The following CNGA3 variants were observed in gnomAD, a reference collection of about 807,000 sequenced individuals.
CNGA3 encodes cyclic nucleotide-gated channel alpha-3.
In CNGA3, 42 loss-of-function variants were observed where a neutral mutation model predicts 46.6. The ratio of observed to expected loss-of-function variants is 0.90; its 90% CI spans 0.70 to 1.17. The LOEUF (loss-of-function observed/expected upper bound fraction) is 1.17. Ranked by LOEUF, CNGA3 falls within the 50% of genes most tolerant of loss-of-function variation. CNGA3 has a pLI of 0.00. For synonymous variants in CNGA3, 394 were observed against 369.4 expected, an observed-to-expected ratio of 1.07 and a Z score of -0.76; for missense variants, 893 against 890.7, an observed-to-expected ratio of 1.00 and a Z score of -0.03.
At chr2:98,385,211 T>A (rs189359026) in intron 5 of CNGA3, among the ~76,000 whole-genome samples, 1 of 152,120 alleles carries the variant, frequency 6.6e-6, no homozygotes, top group Admixed American at 6.5e-5. Flanking sequence ...GAGTCCGGCG[T>A]AAACTGCAGG....
chr2:98,378,242 C>A (rs545029671), intron 3 of CNGA3: 1 of 1,537,882 alleles, frequency 6.5e-7, no homozygotes, highest in East Asian at 2.4e-5. Context: ...CTTGCAAAAG[C>A]ATTTGTTTGC....
chr2:98,395,899 C>T lies in CNGA3; in HGVS notation c.729C>T (p.Tyr243=), dbSNP rs1219183849. 1.2e-6 allele frequency: 2 copies of T among 1,614,198 alleles called. No homozygotes were observed. The highest frequency in any genetic ancestry group is 1.7e-6 in the Non-Finnish European group (2 of 1,180,036). Residue 243 remains tyrosine (Y), a synonymous_variant, in exon 8 of 8, where the codon TAC becomes TAT. Transcript: ENST00000272602. ...ATACCAACAGGCTGTGGCAGCATTA[C>T]AAGACGACCACGCAGTTCAAGCTGG... ...VSDTNRLWQH[Y]KTTTQFKLDV...
At chr2:98,371,613 G>T (rs1331773712) in intron 2 of CNGA3, among the ~76,000 whole-genome samples, 1 of 152,182 alleles carries the variant, frequency 6.6e-6, no homozygotes, top group African/African-American at 2.4e-5. Flanking sequence ...TATGGCTTCA[G>T]AGGCATCAGA....
chr2:98,389,721 G>T lies in CNGA3; in HGVS notation c.513G>T (p.Trp171Cys), dbSNP rs762773298. 6.2e-7 allele frequency: 1 copy of T among 1,613,718 alleles called. No homozygotes were observed. Among genetic ancestry groups the T allele is most frequent in the East Asian group, 2.2e-5 (1 of 44,878 alleles). ...CGTCCAGCAACCTGTACTACCGCTGGCTGACCGCCATCGCCCTGCCTGTCT... is the reference window on the plus strand; with the variant it reads ...CGTCCAGCAACCTGTACTACCGCTGTCTGACCGCCATCGCCCTGCCTGTCT... ...VDPSSNLYYR[W>C]LTAIALPVFY... Residue 171 changes from tryptophan to cysteine, a missense_variant, in exon 6 of 8, where the codon TGG (tryptophan) becomes TGT (cysteine). Transcript: ENST00000272602.
chr2:98,358,114 A>G (rs867588), intron 1 of CNGA3, among the ~76,000 whole-genome samples: 34,102 of 152,244 alleles, frequency 0.22, 4,331 homozygotes, highest in Admixed American at 0.37. Flanking sequence ...TTGTGGTTTC[A>G]TTATCTCATT....
Position 98,395,857 on chromosome 2 carries a change from A to G in CNGA3, c.687A>G (p.Gln229=). ...CTTCTTCTTTAGGTTTTCTCGAGCA[A>G]GGCTTAATGGTCAGTGATACCAACA... ...LVRARTGFLE[Q]GLMVSDTNRL... is the part of the protein sequence containing the mutation. The change falls in exon 8 of 8, where the codon CAA becomes CAG. Residue 229 remains glutamine, a synonymous_variant. Transcript: ENST00000272602. 1 of 1,614,234 alleles carries G rather than the reference A, an allele frequency of 6.2e-7. No individual in the cohort carries two copies.
At chr2:98,394,416 G>A (rs1199002434) in intron 7 of CNGA3, among the ~76,000 whole-genome samples, 1 of 152,152 alleles carries the variant, frequency 6.6e-6, no homozygotes, top group Non-Finnish European at 1.5e-5. Context: ...CAAAAGGCAG[G>A]TTGTGCCCCA....
At chr2:98,360,790 T>C (rs908096167) in intron 1 of CNGA3, among the ~76,000 whole-genome samples, 5 of 152,208 alleles carry the variant, frequency 3.3e-5, no homozygotes, top group African/African-American at 1.2e-4. Context: ...CCTCACACGT[T>C]CTTTGGAAAG....
At chr2:98,353,437 T>C (rs1691812036) in intron 1 of CNGA3, among the ~76,000 whole-genome samples, 1 of 152,208 alleles carries the variant, frequency 6.6e-6, no homozygotes. Context: ...AGGGTTTTAT[T>C]ATATCATGGA....
At chr2:98,386,883 G>A (rs538906119) in intron 5 of CNGA3, among the ~76,000 whole-genome samples, 47 of 152,282 alleles carry the variant, frequency 3.1e-4, no homozygotes, top group South Asian at 2.1e-4. Flanking sequence ...TGGATTCTGC[G>A]TAAGATCCAA....
In CNGA3 at chr2:98,388,755, T is replaced by C. The variant is rs372342199; in HGVS notation, c.450-903T>C. 1.7e-4 allele frequency among the ~76,000 whole-genome samples: 26 copies of C among 152,282 alleles called. No individual in the cohort carries two copies. In the East Asian group the frequency reaches 4.4e-3, roughly 26 times the overall value. On this transcript the variant is annotated intron_variant, in intron 5 of 7. Coordinates refer to ENST00000272602, the MANE Select transcript of CNGA3 (RefSeq NM_001298.3). ...TCTGGGGCACTGGAAGATACAATGTTCACAAACTTTCACCCAAATTCAGTG... is the reference window on the plus strand; with the variant it reads ...TCTGGGGCACTGGAAGATACAATGTCCACAAACTTTCACCCAAATTCAGTG...
intron 1 of CNGA3, among the ~76,000 whole-genome samples, chr2:98,361,853 G>A (rs942818410): frequency 1.3e-4 from 19 of 151,758 alleles, no homozygotes; most frequent in African/African-American, 2.9e-4. Flanking sequence ...GACTACAGGC[G>A]CCCGCCACCA....
chr2:98,374,222 C>G (rs1692354369), intron 2 of CNGA3, among the ~76,000 whole-genome samples: 1 of 152,208 alleles, frequency 6.6e-6, no homozygotes, highest in Non-Finnish European at 1.5e-5. Flanking sequence ...AAACCTTCAC[C>G]TTACCAACGT....
rs373666055 is a variant in CNGA3 at position 98,396,399 on chromosome 2, G to A, written c.1229G>A (p.Arg410Gln). ...GSMISNMNAS[R>Q]AEFQAKIDSI... ...ATGATCTCGAATATGAATGCCTCACGGGCAGAGTTCCAGGCCAAGATTGAT... is the reference window on the plus strand; with the variant it reads ...ATGATCTCGAATATGAATGCCTCACAGGCAGAGTTCCAGGCCAAGATTGAT... Residue 410 changes from arginine (R) to glutamine (Q), a missense_variant, in exon 8 of 8, where the codon CGG becomes CAG. Around this residue, in one of 3 missense-constraint regions of CNGA3, gnomAD observed 548 missense variants for 570.8 expected, o/e 0.96. Transcript: ENST00000272602. 11 of 1,613,746 alleles carry A rather than the reference G, an allele frequency of 6.8e-6. No individual in the cohort carries two copies. Among genetic ancestry groups the A allele is most frequent in the African/African-American group, 4.0e-5 (3 of 74,858 alleles).
intron 1 of CNGA3, among the ~76,000 whole-genome samples, chr2:98,359,078 G>C (rs1232014983): frequency 6.6e-6 from 1 of 152,206 alleles, no homozygotes; most frequent in Non-Finnish European, 1.5e-5. Flanking sequence ...GGGCAAAAGG[G>C]AAAGAGGACA....
chr2:98,365,598 T>C (rs901518029), intron 1 of CNGA3, among the ~76,000 whole-genome samples: 2 of 145,256 alleles, frequency 1.4e-5, no homozygotes, highest in Non-Finnish European at 3.2e-5. Context: ...GAGGTTTTGT[T>C]CATTCTTTTT....
At chr2:98,386,815 C>A (rs1692663274) in intron 5 of CNGA3, among the ~76,000 whole-genome samples, 1 of 152,158 alleles carries the variant, frequency 6.6e-6, no homozygotes, top group Non-Finnish European at 1.5e-5. Context: ...GAAGCCACAG[C>A]CTCGAAAGGT....
chr2:98,378,434 G>C (rs2104200467), intron 3 of CNGA3, among the ~76,000 whole-genome samples: 1 of 152,284 alleles, frequency 6.6e-6, no homozygotes, highest in East Asian at 1.9e-4. Flanking sequence ...ACTCACGGCA[G>C]GTGCTCAACA....
intron 1 of CNGA3, among the ~76,000 whole-genome samples, chr2:98,352,467 C>T (rs1429519723): frequency 6.6e-6 from 1 of 152,106 alleles, no homozygotes; most frequent in African/African-American, 2.4e-5. Context: ...CAGCTGTTCT[C>T]CAAAGTGGCT....
Sources: gnomAD v4.1 joint callset for allele counts (sites outside exome capture counted in the v4.1 genomes callset) on GRCh38, gnomAD v4.1.1 for gene constraint, gnomAD v4.1.1 regional missense constraint, MANE v1.5 for transcripts, NCBI Gene and HGNC (gene_info 2026-07-23, HGNC 2026-07-21) for gene names.